MEI4: variants seen among roughly 807,000 people sequenced by gnomAD.
MEI4 encodes the protein meiotic double-stranded break formation protein 4, also known as meiosis-specific protein MEI4.
MEI4 carries 27 observed loss-of-function variants against 31.4 expected under a neutral mutation model. That is an observed-to-expected ratio of 0.86 (90% CI 0.63 to 1.19). MEI4 has a LOEUF of 1.19. MEI4 is among the 50% of genes most tolerant of loss of function. The pLI, the probability that MEI4 is intolerant of heterozygous loss-of-function variation, is 0.00. For synonymous variants in MEI4, 122 were observed against 145.4 expected, an observed-to-expected ratio of 0.84 and a Z score of 1.16; for missense variants, 329 against 398.9, an observed-to-expected ratio of 0.82 and a Z score of 1.49.
At chr6:77,758,601 A>G (rs1161879377) in intron 2 of MEI4, among the ~76,000 whole-genome samples, 2 of 152,152 alleles carry the variant, frequency 1.3e-5, no homozygotes, top group Admixed American at 6.6e-5. Context: ...CTGTATGCCA[A>G]TAGTAGTTCT....
chr6:77,902,993 G>A (rs1454507113), intron 4 of MEI4, among the ~76,000 whole-genome samples: 1 of 152,072 alleles, frequency 6.6e-6, no homozygotes, highest in Non-Finnish European at 1.5e-5. Flanking sequence ...ACCTGTCTCA[G>A]ATTTTGGGGG....
At chr6:77,889,348 C>T (rs1207510541) in intron 4 of MEI4, among the ~76,000 whole-genome samples, 1 of 152,084 alleles carries the variant, frequency 6.6e-6, no homozygotes, top group Non-Finnish European at 1.5e-5. Context: ...GAAGTGGTCT[C>T]ATATGGAGAT....
At chr6:77,797,050 A>G (rs1769098192) in intron 3 of MEI4, among the ~76,000 whole-genome samples, 1 of 152,216 alleles carries the variant, frequency 6.6e-6, no homozygotes, top group Non-Finnish European at 1.5e-5. Flanking sequence ...TGTATGATTA[A>G]CTGATTTTTG....
chr6:77,790,354 T>G (rs1158671376), intron 3 of MEI4, among the ~76,000 whole-genome samples: 1 of 151,836 alleles, frequency 6.6e-6, no homozygotes. Flanking sequence ...TATACATATG[T>G]AACCTGCACG....
intron 4 of MEI4, among the ~76,000 whole-genome samples, chr6:77,903,292 C>T (rs1234178990): frequency 1.3e-5 from 2 of 152,114 alleles, no homozygotes; most frequent in Admixed American, 6.6e-5. Flanking sequence ...ACTTCAAGTA[C>T]TCATACAACC....
intron 2 of MEI4, among the ~76,000 whole-genome samples, chr6:77,749,137 G>A (rs1230189868): frequency 6.6e-6 from 1 of 152,054 alleles, no homozygotes; most frequent in African/African-American, 2.4e-5. Context: ...AAAGACCAAA[G>A]GTAGATAAAT....
intron 2 of MEI4, among the ~76,000 whole-genome samples, chr6:77,714,323 C>T (rs1766533171): frequency 6.6e-6 from 1 of 151,680 alleles, no homozygotes; most frequent in African/African-American, 2.4e-5. Flanking sequence ...TGAGAATTGA[C>T]TCTGAACTAT....
chr6:77,916,522 TGATTTCCTCAGCTCTAAGCAGTATTA>T (rs1192382442), intron 4 of MEI4, among the ~76,000 whole-genome samples: 9 of 152,082 alleles, frequency 5.9e-5, no homozygotes, highest in African/African-American at 2.2e-4. Context: ...GGTCTTCTTA[TGATTTCCTCAGCTCTAAGCAGTATTA>T]GTATTGTTTC....
chr6:77,908,703 G>C (rs946409507), intron 4 of MEI4, among the ~76,000 whole-genome samples: 1 of 152,074 alleles, frequency 6.6e-6, no homozygotes, highest in African/African-American at 2.4e-5. Context: ...TGCAATCTTA[G>C]TCTCTGATAA....
intron 3 of MEI4, among the ~76,000 whole-genome samples, chr6:77,778,992 T>C (rs560321002): frequency 3.9e-5 from 6 of 152,202 alleles, no homozygotes; most frequent in South Asian, 4.1e-4. Flanking sequence ...GCAAAGCAAA[T>C]CAGTGGCGTT....
intron 1 of MEI4, among the ~76,000 whole-genome samples, chr6:77,681,338 G>A (rs892046645): frequency 1.3e-5 from 2 of 152,114 alleles, no homozygotes; most frequent in African/African-American, 2.4e-5. Flanking sequence ...CTTTTAAAAT[G>A]TACTCTACGA....
At chr6:77,799,458 A>T (rs546313908) in intron 3 of MEI4, among the ~76,000 whole-genome samples, 55 of 151,996 alleles carry the variant, frequency 3.6e-4, no homozygotes, top group Non-Finnish European at 7.1e-4. Context: ...ATTCAATCTG[A>T]TGGTAGTTTC....
chr6:77,684,576 T>C (rs1769018100), intron 1 of MEI4, among the ~76,000 whole-genome samples: 1 of 152,144 alleles, frequency 6.6e-6, no homozygotes, highest in South Asian at 2.1e-4. Flanking sequence ...GACTTTTAGA[T>C]CCCACAAATA....
At chr6:77,875,421 G>A (rs759818835) in intron 4 of MEI4, among the ~76,000 whole-genome samples, 4 of 152,134 alleles carry the variant, frequency 2.6e-5, no homozygotes, top group African/African-American at 7.2e-5. Flanking sequence ...TATGTGATAC[G>A]TGTGATCAGT....
chr6:77,735,585 T>C (rs1767170345), intron 2 of MEI4, among the ~76,000 whole-genome samples: 1 of 152,102 alleles, frequency 6.6e-6, no homozygotes, highest in Non-Finnish European at 1.5e-5. Context: ...TTGAATGTCC[T>C]CCCGTAGCTC....
chr6:77,803,800 A>G (rs1426306064), intron 3 of MEI4, among the ~76,000 whole-genome samples: 1 of 152,178 alleles, frequency 6.6e-6, no homozygotes, highest in Non-Finnish European at 1.5e-5. Context: ...ATTGGTGAAC[A>G]GCAAATGTTG....
chr6:77,762,194 T>C (rs1768061502), intron 3 of MEI4, among the ~76,000 whole-genome samples: 3 of 152,192 alleles, frequency 2.0e-5, no homozygotes, highest in South Asian at 2.1e-4. Context: ...CCATGGACCC[T>C]CTGCAGATGT....
intron 4 of MEI4, among the ~76,000 whole-genome samples, chr6:77,835,409 A>G (rs552658324): frequency 1.5e-3 from 168 of 110,708 alleles, no homozygotes; most frequent in African/African-American, 7.1e-3. Flanking sequence ...CACACAAATA[A>G]AAAAAAAAAA....
intron 2 of MEI4, among the ~76,000 whole-genome samples, chr6:77,701,422 G>C (rs1437636361): frequency 6.6e-6 from 1 of 152,096 alleles, no homozygotes; most frequent in Non-Finnish European, 1.5e-5. Context: ...ATTTGAGTGT[G>C]TGTGCGGGTG....
Sources: gnomAD v4.1 joint callset for allele counts (sites outside exome capture counted in the v4.1 genomes callset) on GRCh38, gnomAD v4.1.1 for gene constraint, MANE v1.5 for transcripts, NCBI Gene and HGNC (gene_info 2026-07-23, HGNC 2026-07-21) for gene names.